Variants in LIMS1 observed in about 807,000 individuals in gnomAD.
The protein encoded by LIMS1 is LIM zinc finger domain containing 1.
Under a neutral mutation model 44.1 loss-of-function variants are expected in LIMS1, and 18 were observed. The observed-to-expected ratio is 0.41, with a 90% CI of 0.28 to 0.61. LIMS1 has a LOEUF of 0.61. Among genes scored for constraint, LIMS1 ranks in the 20% least tolerant of loss-of-function variants. The pLI is 0.32. For missense variants in LIMS1, 201 were observed against 422.0 expected (o/e 0.48, Z 4.59); for synonymous variants, 93 against 149.1 (o/e 0.62, Z 2.74).
At chr2:108,662,361 G>A (rs1233553981) in intron 2 of LIMS1, 94 of 1,602,006 alleles carry the variant, frequency 5.9e-5, no homozygotes, top group Non-Finnish European at 7.8e-5. Context: ...GAACAGCCTT[G>A]AGCAGTGAAG....
intron 1 of LIMS1, among the ~76,000 whole-genome samples, chr2:108,584,999 A>C (rs1423316178): frequency 6.6e-6 from 1 of 151,868 alleles, no homozygotes; most frequent in African/African-American, 2.4e-5. Context: ...AAAAATACAA[A>C]AATTAGCCGA....
chr2:108,609,924 C>T (rs1234296498), intron 1 of LIMS1, among the ~76,000 whole-genome samples: 1 of 152,044 alleles, frequency 6.6e-6, no homozygotes, highest in Non-Finnish European at 1.5e-5. Context: ...GGGCGGATCA[C>T]GAGGTCAGGA....
At chr2:108,679,534 T>A (rs1692805012) in intron 8 of LIMS1, among the ~76,000 whole-genome samples, 1 of 152,098 alleles carries the variant, frequency 6.6e-6, no homozygotes, top group Non-Finnish European at 1.5e-5. Context: ...ATATGCATTT[T>A]ATATCAGGGA....
At chr2:108,662,185 C>T in intron 2 of LIMS1, 4 of 1,612,012 alleles carry the variant, frequency 2.5e-6, no homozygotes, top group Non-Finnish European at 3.4e-6. Flanking sequence ...CCTGTAGCTC[C>T]AGCCCTCCGT....
intron 1 of LIMS1, among the ~76,000 whole-genome samples, chr2:108,605,919 C>T (rs992798584): frequency 1.3e-5 from 2 of 152,178 alleles, no homozygotes; most frequent in Non-Finnish European, 2.9e-5. Context: ...ATCTGAAAGG[C>T]CCGGTGAGCA....
chr2:108,575,396 T>C (rs1558793493), intron 1 of LIMS1, among the ~76,000 whole-genome samples: 1 of 151,208 alleles, frequency 6.6e-6, no homozygotes, highest in East Asian at 1.9e-4. Context: ...GCTGAAATAG[T>C]AGAGATTTGC....
At chr2:108,577,696 A>G (rs547953662) in intron 1 of LIMS1, among the ~76,000 whole-genome samples, 1 of 152,344 alleles carries the variant, frequency 6.6e-6, no homozygotes, top group Non-Finnish European at 1.5e-5. Context: ...TCTATATTGT[A>G]GTACTTTATT....
chr2:108,683,699 C>T (rs891205368), intron 9 of LIMS1, among the ~76,000 whole-genome samples, 186 bp from the exon 10 acceptor site: 17 of 151,772 alleles, frequency 1.1e-4, no homozygotes, highest in Non-Finnish European at 4.4e-5. Flanking sequence ...TAAAATTATA[C>T]TGAATTTTTA....
chr2:108,611,713 C>T (rs987627102), intron 1 of LIMS1, among the ~76,000 whole-genome samples: 4 of 151,540 alleles, frequency 2.6e-5, no homozygotes, highest in Non-Finnish European at 4.4e-5. Context: ...AACCCTGTCT[C>T]TACAAAAATA....
At chr2:108,669,021 C>T (rs1290699439) in intron 2 of LIMS1, among the ~76,000 whole-genome samples, 8 of 151,982 alleles carry the variant, frequency 5.3e-5, no homozygotes, top group African/African-American at 1.7e-4. Context: ...ATCACTTGAG[C>T]CCAAGCGTTC....
intron 1 of LIMS1, among the ~76,000 whole-genome samples, chr2:108,567,851 C>T (rs1420243586): frequency 2.0e-5 from 3 of 152,210 alleles, no homozygotes; most frequent in Admixed American, 2.0e-4. Flanking sequence ...GGATTACAGG[C>T]GTGAGCCACC....
chr2:108,604,586 A>T (rs1687170817), intron 1 of LIMS1, among the ~76,000 whole-genome samples: 1 of 152,254 alleles, frequency 6.6e-6, no homozygotes, highest in Non-Finnish European at 1.5e-5. Context: ...GGATATTAAC[A>T]TATTTTAATT....
At chr2:108,583,933 A>G (rs1685993080) in intron 1 of LIMS1, among the ~76,000 whole-genome samples, 1 of 151,944 alleles carries the variant, frequency 6.6e-6, no homozygotes, top group Admixed American at 6.6e-5. Context: ...ACCTCAAGTG[A>G]TCTGACCGCC....
At chr2:108,619,382 T>C (rs1439694777) in intron 1 of LIMS1, among the ~76,000 whole-genome samples, 2 of 151,286 alleles carry the variant, frequency 1.3e-5, no homozygotes, top group Non-Finnish European at 2.9e-5. Flanking sequence ...TTTTAACTTG[T>C]CTTGATTTTA....
chr2:108,613,297 T>A (rs1687759275), intron 1 of LIMS1, among the ~76,000 whole-genome samples: 1 of 152,186 alleles, frequency 6.6e-6, no homozygotes, highest in Non-Finnish European at 1.5e-5. Context: ...AAGTCTTTAT[T>A]ATTAGAGTCA....
rs1267996238 is a variant in LIMS1 at position 108,621,553 on chromosome 2, A to G, written c.33-38052A>G. 4 of 903,680 alleles carry G rather than the reference A, an allele frequency of 4.4e-6. No individual in the cohort carries two copies. In the East Asian group the frequency reaches 1.1e-4, roughly 24 times the overall value. The allele number at this position is 903,680 out of a possible 1,614,324, so 56.0% of individuals were successfully genotyped here. Reference sequence around the variant, plus strand: ...TGCCTAAGTGGATGCAGCGTTGGGAAGTACTCATTGAAAAGTAGCCTCTTA... The same window carrying G: ...TGCCTAAGTGGATGCAGCGTTGGGAGGTACTCATTGAAAAGTAGCCTCTTA... On this transcript the variant is annotated intron_variant, in intron 1 of 9. Transcript: ENST00000544547.
At chr2:108,612,069 T>C (rs142944713) in intron 1 of LIMS1, among the ~76,000 whole-genome samples, 3,055 of 144,994 alleles carry the variant, frequency 0.021, 78 homozygotes, top group African/African-American at 0.047. Flanking sequence ...TATATATATA[T>C]ACATATATAT....
At chr2:108,678,119 A>C in intron 8 of LIMS1, 92 bp downstream of exon 8, 4 of 1,582,566 alleles carry the variant, frequency 2.5e-6, no homozygotes, top group Non-Finnish European at 3.4e-6. Flanking sequence ...GTATGGTTTG[A>C]AATGTGATCG....
intron 1 of LIMS1, among the ~76,000 whole-genome samples, chr2:108,535,470 C>T (rs904106983): frequency 6.6e-6 from 1 of 152,148 alleles, no homozygotes; most frequent in African/African-American, 2.4e-5. Flanking sequence ...GGCCTTTGCA[C>T]ACAGTTACGT....
Sources: gnomAD v4.1 joint callset for allele counts (sites outside exome capture counted in the v4.1 genomes callset) on GRCh38, gnomAD v4.1.1 for gene constraint, MANE v1.5 for transcripts, NCBI Gene and HGNC (gene_info 2026-07-23, HGNC 2026-07-21) for gene names.